LARP1: variants seen among roughly 807,000 people sequenced by gnomAD.
LARP1 encodes La ribonucleoprotein 1, translational regulator.
In LARP1, 36 loss-of-function variants were observed where a neutral mutation model predicts 122.7. That is an observed-to-expected ratio of 0.29 (90% confidence interval 0.22 to 0.39). The LOEUF is 0.39. LARP1 is among the 10% of genes least tolerant of loss of function. The pLI, the probability that LARP1 is intolerant of heterozygous loss-of-function variation, is 1.00. For synonymous variants in LARP1, 539 were observed against 528.7 expected, an observed-to-expected ratio of 1.02 and a Z score of -0.27; for missense variants, 1,040 against 1,403.6, an observed-to-expected ratio of 0.74 and a Z score of 4.14.
At chr5:154,723,589 C>T (rs77164380) in intron 1 of LARP1, among the ~76,000 whole-genome samples, 1,523 of 152,176 alleles carry the variant, frequency 0.01, 22 homozygotes, top group African/African-American at 0.035. Context: ...GACATATATT[C>T]TAGGGGGGAA....
At chr5:154,810,193 T>C (rs960512073) in intron 16 of LARP1, among the ~76,000 whole-genome samples, 1 of 151,858 alleles carries the variant, frequency 6.6e-6, no homozygotes, top group South Asian at 2.1e-4. Flanking sequence ...CCCAGCACTT[T>C]GGGAGTGCGA....
chr5:154,726,182 C>T (rs4958767), intron 1 of LARP1, among the ~76,000 whole-genome samples: 1 of 152,138 alleles, frequency 6.6e-6, no homozygotes, highest in East Asian at 1.9e-4. Flanking sequence ...GGGCAACACC[C>T]TAGGAGTAGA....
Position 154,804,200 on chromosome 5 carries a change from G to A in LARP1, c.2440-1G>A, listed in dbSNP as rs747816739. The A allele has an allele frequency of 6.2e-7, 1 of 1,613,450 alleles. No individual in the cohort carries two copies. Among genetic ancestry groups the A allele is most frequent in the African/African-American group, 1.3e-5 (1 of 74,920 alleles). On this transcript the variant is annotated splice_acceptor_variant, in intron 13 of 18. Coordinates refer to ENST00000518297, the MANE Select transcript of LARP1 (RefSeq NM_033551.3). LOFTEE classifies it high-confidence loss of function. ...AACAAACCCTGGGCTAACCTTTGCA[G>A]ATGCCTCGAAAAAGAAAGACAAGAC...
At chr5:154,747,779 G>A (rs1367677086) in intron 1 of LARP1, among the ~76,000 whole-genome samples, 4 of 152,034 alleles carry the variant, frequency 2.6e-5, no homozygotes, top group African/African-American at 4.8e-5. Context: ...CAGGAGAATC[G>A]CTTGAACCAG....
chr5:154,683,196 C>G (rs1158731346), intron 1 of LARP1, among the ~76,000 whole-genome samples: 3 of 152,358 alleles, frequency 2.0e-5, no homozygotes, highest in South Asian at 2.1e-4. Flanking sequence ...CCTCAACCCC[C>G]ATCCTTACAG....
At chr5:154,713,959 G>A (rs1231088828) in intron 1 of LARP1, among the ~76,000 whole-genome samples, 1 of 152,228 alleles carries the variant, frequency 6.6e-6, no homozygotes, top group East Asian at 1.9e-4. Flanking sequence ...TGGAGGCCAG[G>A]AATATATGGT....
intron 14 of LARP1, 115 bp from the exon 15 acceptor site, chr5:154,805,766 T>G (rs1362733458): frequency 8.9e-7 from 1 of 1,121,470 alleles, no homozygotes; most frequent in Non-Finnish European, 1.3e-6. Context: ...CCTCCTTGTT[T>G]GATACCCTGT....
chr5:154,787,272 G>A (rs1037010034), intron 1 of LARP1, among the ~76,000 whole-genome samples: 1 of 152,238 alleles, frequency 6.6e-6, no homozygotes, highest in South Asian at 2.1e-4. Flanking sequence ...AGGGGTAGAA[G>A]GAGGAGAATT....
At chr5:154,731,555 A>G (rs1756568047) in intron 1 of LARP1, among the ~76,000 whole-genome samples, 1 of 152,220 alleles carries the variant, frequency 6.6e-6, no homozygotes, top group East Asian at 1.9e-4. Context: ...AACCATAGAC[A>G]TTTCATTAGC....
chr5:154,726,276 T>C (rs1756212040), intron 1 of LARP1, among the ~76,000 whole-genome samples: 1 of 152,200 alleles, frequency 6.6e-6, no homozygotes, highest in African/African-American at 2.4e-5. Flanking sequence ...TAGGTGTAAA[T>C]GCCTAGTAGA....
chr5:154,810,556 C>T (rs1251134124), intron 16 of LARP1, among the ~76,000 whole-genome samples: 2 of 151,942 alleles, frequency 1.3e-5, no homozygotes, highest in African/African-American at 4.8e-5. Flanking sequence ...GGCGCAATCT[C>T]GGCTCACTGC....
intron 1 of LARP1, among the ~76,000 whole-genome samples, chr5:154,720,826 TG>T (rs1402047340): frequency 1.3e-5 from 2 of 152,200 alleles, no homozygotes; most frequent in Non-Finnish European, 2.9e-5. Flanking sequence ...TGCAGGAGTC[TG>T]CTGGGCCAGT....
At chr5:154,734,184 G>A (rs1041373493) in intron 1 of LARP1, among the ~76,000 whole-genome samples, 1 of 151,236 alleles carries the variant, frequency 6.6e-6, no homozygotes. Flanking sequence ...AAAAAAAATA[G>A]TACCTACCTC....
intron 1 of LARP1, chr5:154,757,037 G>A (rs1261209129): frequency 6.7e-6 from 1 of 148,416 alleles, no homozygotes; most frequent in African/African-American, 2.4e-5. Flanking sequence ...CGGGCCGCTC[G>A]GCCTCGGCGT....
chr5:154,689,774 G>A (rs2113197091), intron 1 of LARP1, among the ~76,000 whole-genome samples: 1 of 152,276 alleles, frequency 6.6e-6, no homozygotes, highest in Middle Eastern at 3.4e-3. Context: ...AGGAAGTTGA[G>A]ACTCAAAAAT....
intron 1 of LARP1, among the ~76,000 whole-genome samples, chr5:154,702,522 C>T (rs1754765219): frequency 6.6e-6 from 1 of 151,560 alleles, no homozygotes; most frequent in African/African-American, 2.4e-5. Flanking sequence ...TGCCATTGCA[C>T]TCCAGCCTGG....
At chr5:154,768,202 G>C (rs1342461322) in intron 1 of LARP1, among the ~76,000 whole-genome samples, 1 of 152,174 alleles carries the variant, frequency 6.6e-6, no homozygotes, top group Non-Finnish European at 1.5e-5. Context: ...TCCTTGACAT[G>C]GTAATATTTG....
chr5:154,757,114 T>C (rs1754012714), intron 1 of LARP1: 1 of 148,890 alleles, frequency 6.7e-6, no homozygotes, highest in Non-Finnish European at 1.5e-5. Context: ...CGAGTGTGCG[T>C]GTGCGCGGCG....
At chr5:154,741,766 G>A (rs1211845054) in intron 1 of LARP1, among the ~76,000 whole-genome samples, 4 of 152,142 alleles carry the variant, frequency 2.6e-5, no homozygotes, top group Non-Finnish European at 4.4e-5. Context: ...GAGGTCTAGA[G>A]TTTATTCTTG....
Sources: allele counts gnomAD v4.1 joint callset (sites outside exome capture counted in the v4.1 genomes callset), GRCh38; gene constraint gnomAD v4.1.1; transcripts MANE v1.5; gene names NCBI Gene and HGNC (gene_info 2026-07-23, HGNC 2026-07-21).